Variants in DNMT3A observed in about 807,000 individuals in gnomAD.
DNMT3A encodes DNA (cytosine-5)-methyltransferase 3A.
In DNMT3A, 267 loss-of-function variants were observed where a neutral mutation model predicts 117.6. That is an observed-to-expected ratio of 2.27 (90% CI 2.05 to 2.51). The LOEUF (loss-of-function observed/expected upper bound fraction) is 2.51. Among genes scored for constraint, DNMT3A ranks in the 30% most tolerant of loss-of-function variants. DNMT3A has a pLI of 0.00. For missense variants in DNMT3A, 1,029 were observed against 1,260.2 expected (o/e 0.82, Z 2.78); for synonymous variants, 432 against 474.8 (o/e 0.91, Z 1.17).
At chr2:25,300,625 ATATCTAAATAATATATTATT>A (rs2033383872) in intron 2 of DNMT3A, among the ~76,000 whole-genome samples, 1 of 6,366 alleles carries the variant, frequency 1.6e-4, no homozygotes, top group Non-Finnish European at 6.9e-4. Flanking sequence ...TATTATTTAG[ATATCTAAATAATATATTATT>A]TAGATATCTA....
chr2:25,243,615 G>A (rs1042618517), intron 16 of DNMT3A, among the ~76,000 whole-genome samples: 1 of 152,224 alleles, frequency 6.6e-6, no homozygotes, highest in African/African-American at 2.4e-5. Context: ...AAATCTCTGT[G>A]AATCTGACTA....
In DNMT3A at chr2:25,282,199, A is replaced by G; in HGVS notation, c.448+242T>C. On this transcript the variant is annotated intron_variant, in intron 4 of 22. Coordinates refer to ENST00000321117, the MANE Select transcript of DNMT3A (RefSeq NM_022552.5). This position sits in a 1 kb window ranked among gnomAD's most constrained non-coding sequence, Gnocchi z 5.2. ...AGCCAAAACTCCAGATTTTTATGTG[A>G]AATTTTTTGATTTTTAAATACTGGC... is the stretch of plus-strand genomic sequence containing the variant. The G allele has an allele frequency of 8.1e-7, 1 of 1,240,970 alleles. No homozygotes were observed. Among genetic ancestry groups the G allele is most frequent in the South Asian group, 2.9e-5 (1 of 34,268 alleles). The allele number at this position is 1,240,970 out of a possible 1,614,324, so 76.9% of individuals were successfully genotyped here. A position where few individuals can be genotyped will look rare whatever the true frequency, so the allele number is the denominator to read the frequency against.
rs2149325525 is a variant in DNMT3A at position 25,252,088 on chromosome 2, G to A, written c.640-3836C>T. The A allele has an allele frequency of 7.1e-7, 1 of 1,407,320 alleles. No individual in the cohort carries two copies. The highest frequency in any genetic ancestry group is 9.6e-7 in the Non-Finnish European group (1 of 1,038,868). The allele number at this position is 1,407,320 out of a possible 1,614,324, so 87.2% of individuals were successfully genotyped here. ...GACGCCGCGGCTGCTGCGGGCCGGG[G>A]AGGCATACTTCACTCTTTTCAAACC... On this transcript the variant is annotated intron_variant, in intron 6 of 22. Transcript: ENST00000321117. This position sits in a 1 kb window ranked among gnomAD's most constrained non-coding sequence, Gnocchi z 5.5.
intron 1 of DNMT3A, among the ~76,000 whole-genome samples, chr2:25,340,870 G>C (rs2035397810): frequency 8.3e-6 from 1 of 120,806 alleles, no homozygotes; most frequent in Non-Finnish European, 1.7e-5. Context: ...GCCCGGGCCC[G>C]GGCCCGGGAT....
intron 1 of DNMT3A, among the ~76,000 whole-genome samples, chr2:25,326,918 C>T (rs2034810571): frequency 6.6e-6 from 1 of 152,226 alleles, no homozygotes; most frequent in Non-Finnish European, 1.5e-5. Flanking sequence ...CGGTGTGCTT[C>T]CAGCAAGATA....
At chr2:25,300,569 C>A (rs1212166003) in intron 2 of DNMT3A, among the ~76,000 whole-genome samples, 1 of 143,330 alleles carries the variant, frequency 7.0e-6, no homozygotes, top group African/African-American at 2.6e-5. Context: ...TAGTGAGACT[C>A]CATCTCTATA....
Position 25,247,709 on chromosome 2 carries a change from TTCCCCCACACCAGC to T in DNMT3A, c.882_895del (p.Leu295ThrfsTer24), listed in dbSNP as rs1469695488. The T allele has an allele frequency of 6.2e-7, 1 of 1,611,972 alleles. No homozygotes were observed. The highest frequency in any genetic ancestry group is 8.5e-7 in the Non-Finnish European group (1 of 1,179,664). On this transcript the variant is annotated frameshift_variant, in exon 8 of 23. Transcript: ENST00000321117. LOFTEE classifies it high-confidence loss of function. The surrounding 1 kb of genome is among the most constrained non-coding windows in gnomAD (Gnocchi z 5.6). ...TGGCCACCAGGAGAAGCCCCGCAGTTTCCCCCACACCAGCTCCCCAATGCCAAAGCCCCGGCCGT... is the reference window on the plus strand; with the variant it reads ...TGGCCACCAGGAGAAGCCCCGCAGTTTCCCCAATGCCAAAGCCCCGGCCGT...
At chr2:25,271,116 G>T (rs1363532147) in intron 6 of DNMT3A, among the ~76,000 whole-genome samples, 1 of 151,924 alleles carries the variant, frequency 6.6e-6, no homozygotes, top group East Asian at 1.9e-4. Context: ...AGGCCAAGGC[G>T]GGCAGATCAC....
rs534115863 is a variant in DNMT3A at position 25,286,391 on chromosome 2, C to T, written c.178-3680G>A. Among the ~76,000 whole-genome samples, 148 of 152,336 alleles carry T rather than the reference C, an allele frequency of 9.7e-4. No individual in the cohort carries two copies. The highest frequency in any genetic ancestry group is 3.4e-3 in the African/African-American group (143 of 41,568). On this transcript the variant is annotated intron_variant, in intron 3 of 22. Transcript: ENST00000321117. This position sits in a 1 kb window ranked among gnomAD's most constrained non-coding sequence, Gnocchi z 4.3. Reference sequence around the variant, plus strand: ...GCATGCTGGGCAGATGATGGGCGAGCGGGGCATGTTGCACATTTCCAGCCC... The same window carrying T: ...GCATGCTGGGCAGATGATGGGCGAGTGGGGCATGTTGCACATTTCCAGCCC...
At chr2:25,278,044 C>CACAAACAG (rs2031597980) in intron 4 of DNMT3A, among the ~76,000 whole-genome samples, 2 of 140,372 alleles carry the variant, frequency 1.4e-5, no homozygotes, top group African/African-American at 2.5e-5. Context: ...CACACAGACA[C>CACAAACAG]ACACGCTTTC....
chr2:25,260,101 A>G (rs11694842), intron 6 of DNMT3A, among the ~76,000 whole-genome samples: 34,045 of 152,126 alleles, frequency 0.22, 4,771 homozygotes, highest in Non-Finnish European at 0.33. Context: ...TACATCACTA[A>G]ATTCCCAACG....
At chr2:25,239,106 C>G (rs759097873) in intron 20 of DNMT3A, 24 bp downstream of exon 20, 1 of 1,611,712 alleles carries the variant, frequency 6.2e-7, no homozygotes, top group Non-Finnish European at 8.5e-7. Flanking sequence ...CCACAGCCCC[C>G]CAGGCCCAGG....
At chr2:25,332,228 C>A (rs528717974) in intron 1 of DNMT3A, among the ~76,000 whole-genome samples, 1 of 152,314 alleles carries the variant, frequency 6.6e-6, no homozygotes, top group Admixed American at 6.5e-5. Context: ...CCGGCCCAGG[C>A]CCCTGGCTTC....
At chr2:25,312,848 C>T (rs573989460) in intron 2 of DNMT3A, among the ~76,000 whole-genome samples, 6 of 152,266 alleles carry the variant, frequency 3.9e-5, no homozygotes, top group African/African-American at 1.2e-4. Context: ...TGCCCAGGGC[C>T]CCCAAAGCTG....
At chr2:25,272,803 C>CTTTTTTTTTTTTTTTTTT (rs1217338234) in intron 6 of DNMT3A, among the ~76,000 whole-genome samples, 44 of 130,694 alleles carry the variant, frequency 3.4e-4, no homozygotes, top group Non-Finnish European at 4.6e-4. Flanking sequence ...TGCACTTTCT[C>CTTTTTTTTTTTTTTTTTT]TTTTTTTTTT....
rs1199637112 is a variant in DNMT3A, at chr2:25,339,957, G to A, written c.-178+1869C>T. ...GCCCGCCCAGGAGGCGGGTTCAGCC[G>A]CTGGCAGCCTAGGGTGAAACATGAA... On this transcript the variant is annotated intron_variant, in intron 1 of 22. Coordinates refer to ENST00000321117, the MANE Select transcript of DNMT3A (RefSeq NM_022552.5). This position sits in a 1 kb window ranked among gnomAD's most constrained non-coding sequence, Gnocchi z 4.9. Among the ~76,000 whole-genome samples, 2 of 152,130 alleles carry A rather than the reference G, an allele frequency of 1.3e-5. No homozygotes were observed. Among genetic ancestry groups the A allele is most frequent in the Admixed American group, 6.5e-5 (1 of 15,290 alleles).
In DNMT3A at chr2:25,294,814, C is replaced by T. The variant is rs147628796; in HGVS notation, c.177+5325G>A. On this transcript the variant is annotated intron_variant, in intron 3 of 22. Coordinates refer to ENST00000321117, the MANE Select transcript of DNMT3A (RefSeq NM_022552.5). The surrounding 1 kb of genome is among the most constrained non-coding windows in gnomAD (Gnocchi z 4.7). Reference sequence around the variant, plus strand: ...GCCCTCTTGGACTGGCTCACTCCTGCGGTGTTGGAGGGTCAGCCCTAACAC... The same window carrying T: ...GCCCTCTTGGACTGGCTCACTCCTGTGGTGTTGGAGGGTCAGCCCTAACAC... Among the ~76,000 whole-genome samples the T allele has an allele frequency of 2.6e-5, 4 of 152,316 alleles. No homozygotes were observed. The highest frequency in any genetic ancestry group is 9.6e-5 in the African/African-American group (4 of 41,572).
At chr2:25,240,615 G>T (rs2149273368) in intron 18 of DNMT3A, 25 bp downstream of exon 18, 1 of 1,612,760 alleles carries the variant, frequency 6.2e-7, no homozygotes, top group African/African-American at 1.3e-5. Context: ...AGCTGAGAAG[G>T]TGGAGGGGAC....
Position 25,295,292 on chromosome 2 carries a change from C to T in DNMT3A, c.177+4847G>A, listed in dbSNP as rs533336978. On this transcript the variant is annotated intron_variant, in intron 3 of 22. Transcript: ENST00000321117. ...TCCCTATCATGGGCACTGGCCAGCC[C>T]GCAGGCCCTGGCCCAGGTGCCAGCT... Among the ~76,000 whole-genome samples the T allele has an allele frequency of 2.0e-4, 31 of 152,360 alleles. No individual in the cohort carries two copies. The South Asian group carries it at 4.8e-3, about 23-fold the overall frequency.
Sources: gnomAD v4.1 joint callset for allele counts (sites outside exome capture counted in the v4.1 genomes callset) on GRCh38, gnomAD v4.1.1 for gene constraint, Gnocchi (gnomAD v3.1) non-coding constraint, MANE v1.5 for transcripts, NCBI Gene and HGNC (gene_info 2026-07-23, HGNC 2026-07-21) for gene names.